CNTN4: variants seen among roughly 807,000 people sequenced by gnomAD.
CNTN4 encodes contactin-4.
Under a neutral mutation model 122.5 loss-of-function variants are expected in CNTN4, and 77 were observed. That is an observed-to-expected ratio of 0.63 (90% confidence interval 0.52 to 0.76). The LOEUF is 0.76. Ranked by LOEUF, CNTN4 falls within the 30% of genes least tolerant of loss-of-function variation. The pLI is 0.00. For synonymous variants in CNTN4, 512 were observed against 447.0 expected (o/e 1.15, Z -1.83); for missense variants, 1,256 against 1,259.1 (o/e 1.00, Z 0.04).
At chr3:2,959,697 A>G (rs2094834358) in intron 13 of CNTN4, among the ~76,000 whole-genome samples, 1 of 151,666 alleles carries the variant, frequency 6.6e-6, no homozygotes, top group Non-Finnish European at 1.5e-5. Flanking sequence ...AAAATCTTCT[A>G]CTCATCAGAA....
intron 6 of CNTN4, among the ~76,000 whole-genome samples, chr3:2,817,512 T>C (rs1480527988): frequency 6.6e-6 from 1 of 152,246 alleles, no homozygotes; most frequent in Admixed American, 6.5e-5. Flanking sequence ...CTAAAACTTG[T>C]AGAAGTGAAT....
At chr3:2,548,705 T>C (rs1316709455) in intron 3 of CNTN4, among the ~76,000 whole-genome samples, 1 of 152,078 alleles carries the variant, frequency 6.6e-6, no homozygotes. Flanking sequence ...TTTTCTAATT[T>C]TGTGAAGAAA....
At chr3:2,429,852 G>A (rs1172676366) in intron 3 of CNTN4, among the ~76,000 whole-genome samples, 3 of 152,118 alleles carry the variant, frequency 2.0e-5, no homozygotes, top group Admixed American at 6.6e-5. Flanking sequence ...AACAATAAGT[G>A]AGGCTCCGTG....
chr3:2,979,504 C>T (rs552866277), intron 13 of CNTN4, among the ~76,000 whole-genome samples: 14 of 152,134 alleles, frequency 9.2e-5, no homozygotes, highest in African/African-American at 2.7e-4. Flanking sequence ...TAGCCTCCCT[C>T]GTAATGTGTA....
chr3:2,561,709 G>T (rs2078963592), intron 3 of CNTN4, among the ~76,000 whole-genome samples: 1 of 152,172 alleles, frequency 6.6e-6, no homozygotes, highest in African/African-American at 2.4e-5. Context: ...GGCTAACAGA[G>T]GTTAAATGAC....
Position 2,841,367 on chromosome 3 carries a change from C to T in CNTN4, c.454+21786C>T, listed in dbSNP as rs187572394. 1.9e-3 allele frequency among the ~76,000 whole-genome samples: 296 copies of T among 152,270 alleles called. No homozygotes were observed. The highest frequency in any genetic ancestry group is 3.2e-3 in the Non-Finnish European group (217 of 68,022). On this transcript the variant is annotated intron_variant, in intron 7 of 24. Coordinates refer to ENST00000418658, the MANE Select transcript of CNTN4 (RefSeq NM_175607.3). This position sits in a 1 kb window ranked among gnomAD's most constrained non-coding sequence, Gnocchi z 4.8. ...TTATATCCTACAATCACTCATATAT[C>T]TTTATTTTTCCAACTCTACCATCAC...
rs73806665 is a variant in CNTN4, at chr3:2,502,451, A to G, written c.-88-68965A>G. Among the ~76,000 whole-genome samples, 1,244 of 152,242 alleles carry G rather than the reference A, an allele frequency of 8.2e-3. 19 individuals carry two copies. Among genetic ancestry groups the G allele is most frequent in the African/African-American group, 0.028 (1,170 of 41,540 alleles). On this transcript the variant is annotated intron_variant, in intron 3 of 24. Transcript: ENST00000418658. ...TCCAGGAAGTACATTTACATTAGAT[A>G]GTACATGAATGGCACCTCCTACAGT...
At chr3:2,557,964 G>A (rs911000602) in intron 3 of CNTN4, among the ~76,000 whole-genome samples, 3 of 151,986 alleles carry the variant, frequency 2.0e-5, no homozygotes, top group African/African-American at 7.3e-5. Context: ...ACTTTTTCTG[G>A]AAATGATGCA....
At chr3:2,552,680 T>A (rs2078559136) in intron 3 of CNTN4, among the ~76,000 whole-genome samples, 1 of 152,166 alleles carries the variant, frequency 6.6e-6, no homozygotes, top group African/African-American at 2.4e-5. Flanking sequence ...GAGCTGGGTA[T>A]CAAAGAGAGG....
intron 2 of CNTN4, among the ~76,000 whole-genome samples, chr3:2,229,797 A>C (rs1391972846): frequency 6.6e-6 from 1 of 152,210 alleles, no homozygotes; most frequent in East Asian, 1.9e-4. Context: ...TTAATAATTT[A>C]TTCCAATTTT....
intron 2 of CNTN4, among the ~76,000 whole-genome samples, chr3:2,128,388 C>A (rs1176380330): frequency 2.0e-5 from 3 of 152,134 alleles, no homozygotes; most frequent in African/African-American, 7.2e-5. Context: ...TTACAGAAAC[C>A]TCACCATAGC....
rs1025772490 is a variant in CNTN4, at chr3:2,354,982, A to G, written c.-89+15749A>G. Among the ~76,000 whole-genome samples, 3 of 152,206 alleles carry G rather than the reference A, an allele frequency of 2.0e-5. No individual in the cohort carries two copies. In the East Asian group the frequency reaches 5.8e-4, roughly 29 times the overall value. On this transcript the variant is annotated intron_variant, in intron 3 of 24. Coordinates refer to ENST00000418658, the MANE Select transcript of CNTN4 (RefSeq NM_175607.3). ...GATTACATCCAGGAGTTGGGAGAAT[A>G]AGTGAGTCATAGCCTCCCAGTGGAT...
chr3:2,546,787 G>A (rs556750829), intron 3 of CNTN4, among the ~76,000 whole-genome samples: 24 of 152,194 alleles, frequency 1.6e-4, no homozygotes, highest in African/African-American at 5.3e-4. Flanking sequence ...AGAAGAAATG[G>A]CCATGGGCTA....
intron 2 of CNTN4, among the ~76,000 whole-genome samples, chr3:2,294,288 C>T (rs1345003157): frequency 8.1e-5 from 11 of 135,604 alleles, no homozygotes; most frequent in African/African-American, 1.1e-4. Flanking sequence ...AGAGTTGTGA[C>T]TTTTTTTTTT....
intron 13 of CNTN4, among the ~76,000 whole-genome samples, chr3:2,978,176 C>A (rs1020534100): frequency 1.3e-5 from 2 of 152,140 alleles, no homozygotes; most frequent in African/African-American, 4.8e-5. Context: ...GCTATGGCAG[C>A]CATAGGAAAC....
chr3:2,669,558 AT>A lies in CNTN4; in HGVS notation c.56-66650del, dbSNP rs932507072. Among the ~76,000 whole-genome samples, 1,468 of 152,052 alleles carry A rather than the reference AT, an allele frequency of 9.7e-3. 25 individuals are homozygous for A. Among genetic ancestry groups the A allele is most frequent in the African/African-American group, 0.034 (1,389 of 41,440 alleles). On this transcript the variant is annotated intron_variant, in intron 4 of 24. Coordinates refer to ENST00000418658, the MANE Select transcript of CNTN4 (RefSeq NM_175607.3). Reference sequence around the variant, plus strand: ...AAAAAACCACCTCCTGGATTCATTGATTTTTTTGAACGGTTTTTTGTGTCTC... The same window carrying A: ...AAAAAACCACCTCCTGGATTCATTGATTTTTTGAACGGTTTTTTGTGTCTC...
intron 2 of CNTN4, among the ~76,000 whole-genome samples, chr3:2,155,623 G>A (rs1460142985): frequency 6.6e-6 from 1 of 152,206 alleles, no homozygotes; most frequent in Non-Finnish European, 1.5e-5. Context: ...CTAAAACAGT[G>A]ATCTGGAAGG....
At chr3:2,925,482 G>A (rs552229674) in intron 12 of CNTN4, 147 bp from the exon 13 acceptor site, 190 of 729,842 alleles carry the variant, frequency 2.6e-4, no homozygotes, top group Non-Finnish European at 3.9e-4. Flanking sequence ...GAACCCGGGA[G>A]GCGGAGGTTG....
In CNTN4 at chr3:2,672,922, C is replaced by T. The variant is rs540795373; in HGVS notation, c.56-63293C>T. Reference sequence around the variant, plus strand: ...TCCTTGCCCAGTAGGAGCTTACATTCGAGTGGGCTAGAGAATCACGTAAAT... The same window carrying T: ...TCCTTGCCCAGTAGGAGCTTACATTTGAGTGGGCTAGAGAATCACGTAAAT... On this transcript the variant is annotated intron_variant, in intron 4 of 24. Coordinates refer to ENST00000418658, the MANE Select transcript of CNTN4 (RefSeq NM_175607.3). Among the ~76,000 whole-genome samples the T allele has an allele frequency of 7.2e-5, 11 of 152,210 alleles. No individual in the cohort carries two copies. The South Asian group carries it at 1.9e-3, about 26-fold the overall frequency.
Sources: gnomAD v4.1 joint callset for allele counts (sites outside exome capture counted in the v4.1 genomes callset) on GRCh38, gnomAD v4.1.1 for gene constraint, Gnocchi (gnomAD v3.1) non-coding constraint, MANE v1.5 for transcripts, NCBI Gene and HGNC (gene_info 2026-07-23, HGNC 2026-07-21) for gene names.